Variants in ARHGAP15 observed in about 807,000 individuals in gnomAD.
ARHGAP15 encodes the protein Rho GTPase activating protein 15.
Under a neutral mutation model 63.7 loss-of-function variants are expected in ARHGAP15, and 51 were observed. That is an observed-to-expected ratio of 0.80 (90% confidence interval 0.64 to 1.01). ARHGAP15 has a LOEUF of 1.01. ARHGAP15 is among the 50% of genes least tolerant of loss of function. The pLI is 0.00. For missense variants in ARHGAP15, 560 were observed against 564.6 expected, an observed-to-expected ratio of 0.99 and a Z score of 0.08; for synonymous variants, 191 against 193.8, an observed-to-expected ratio of 0.99 and a Z score of 0.12.
At chr2:143,623,875 T>C (rs906086028) in intron 11 of ARHGAP15, among the ~76,000 whole-genome samples, 1 of 152,248 alleles carries the variant, frequency 6.6e-6, no homozygotes, top group Admixed American at 6.5e-5. Flanking sequence ...TAAACGTATC[T>C]GACATACTGT....
intron 11 of ARHGAP15, among the ~76,000 whole-genome samples, chr2:143,621,262 C>G (rs561503426): frequency 1.0e-3 from 159 of 152,234 alleles, no homozygotes; most frequent in African/African-American, 3.8e-3. Context: ...AAACTCTACT[C>G]TATTAGAAAA....
intron 2 of ARHGAP15, among the ~76,000 whole-genome samples, chr2:143,168,997 G>A (rs751390779): frequency 5.9e-5 from 9 of 152,052 alleles, no homozygotes; most frequent in Non-Finnish European, 1.3e-4. Flanking sequence ...AATGGATAGA[G>A]AAGCAGGTTC....
At chr2:143,363,774 C>T (rs1049563919) in intron 6 of ARHGAP15, among the ~76,000 whole-genome samples, 1 of 152,148 alleles carries the variant, frequency 6.6e-6, no homozygotes, top group African/African-American at 2.4e-5. Flanking sequence ...TCTCCAAACT[C>T]ACCAAAATAC....
At chr2:143,390,731 GCACACA>G (rs3071055) in intron 6 of ARHGAP15, among the ~76,000 whole-genome samples, 55,997 of 147,284 alleles carry the variant, frequency 0.38, 11,057 homozygotes, top group East Asian at 0.49. Flanking sequence ...GAAAACACAT[GCACACA>G]CACACACACA....
intron 1 of ARHGAP15, among the ~76,000 whole-genome samples, chr2:143,151,864 G>A (rs985483638): frequency 1.3e-5 from 2 of 151,828 alleles, no homozygotes; most frequent in Non-Finnish European, 2.9e-5. Flanking sequence ...GGATGAATCA[G>A]AGGAAATCGT....
intron 10 of ARHGAP15, among the ~76,000 whole-genome samples, chr2:143,532,005 T>C (rs116280179): frequency 0.011 from 1,661 of 152,320 alleles, 29 homozygotes; most frequent in African/African-American, 0.038. Flanking sequence ...TCTATTGTTG[T>C]ATACAGGAGA....
intron 7 of ARHGAP15, among the ~76,000 whole-genome samples, chr2:143,436,205 A>G (rs1689605483): frequency 6.6e-6 from 1 of 152,192 alleles, no homozygotes; most frequent in African/African-American, 2.4e-5. Flanking sequence ...CATTCAGAGT[A>G]TGTTTTCTAA....
Position 143,155,521 on chromosome 2 carries a change from G to T in ARHGAP15, c.31G>T (p.Val11Leu), listed in dbSNP as rs140767178. The T allele has an allele frequency of 4.4e-6, 7 of 1,607,100 alleles. No individual in the cohort carries two copies. The Admixed American group carries it at 5.1e-5, about 12-fold the overall frequency. The change falls in exon 2 of 14, where the codon GTG becomes TTG. Residue 11 changes from valine (V) to leucine (L), a missense_variant. Coordinates refer to ENST00000295095, the MANE Select transcript of ARHGAP15 (RefSeq NM_018460.4). ...GAAATCTACAAATTCTGATACTTCC[G>T]TGGAAACACTGAATTCTACCCGCCA... MQKSTNSDTS[V>L]ETLNSTRQGT...
intron 12 of ARHGAP15, among the ~76,000 whole-genome samples, chr2:143,697,738 C>A (rs1243320882): frequency 6.6e-6 from 1 of 152,122 alleles, no homozygotes; most frequent in Non-Finnish European, 1.5e-5. Flanking sequence ...CCTCAATGGG[C>A]AACTCAAGTT....
intron 10 of ARHGAP15, among the ~76,000 whole-genome samples, chr2:143,523,435 G>T (rs1246483335): frequency 1.3e-5 from 2 of 151,982 alleles, no homozygotes; most frequent in Admixed American, 1.3e-4. Flanking sequence ...ATTTAATTTT[G>T]CCTTATTTTG....
At chr2:143,488,020 A>G (rs1692404095) in intron 9 of ARHGAP15, among the ~76,000 whole-genome samples, 1 of 152,232 alleles carries the variant, frequency 6.6e-6, no homozygotes, top group African/African-American at 2.4e-5. Flanking sequence ...AACTCAATCC[A>G]AACTGAAATA....
chr2:143,455,922 A>T (rs1574473432), intron 8 of ARHGAP15, among the ~76,000 whole-genome samples: 1 of 152,040 alleles, frequency 6.6e-6, no homozygotes, highest in South Asian at 2.1e-4. Flanking sequence ...GGCTGGCCCT[A>T]GGAGGGAGGA....
chr2:143,202,295 AT>A, intron 3 of ARHGAP15, 93 bp downstream of exon 3: 2 of 1,028,156 alleles, frequency 1.9e-6, no homozygotes, highest in Middle Eastern at 2.1e-4. Context: ...TTATTATCTC[AT>A]TTTTCTGTGG....
chr2:143,215,688 C>A (rs1050387074), intron 3 of ARHGAP15, among the ~76,000 whole-genome samples: 1 of 152,176 alleles, frequency 6.6e-6, no homozygotes, highest in African/African-American at 2.4e-5. Context: ...AGGGAGTCAA[C>A]CCATCACAAT....
chr2:143,469,297 G>A (rs571484706), intron 8 of ARHGAP15, among the ~76,000 whole-genome samples: 12 of 152,240 alleles, frequency 7.9e-5, no homozygotes, highest in South Asian at 2.1e-4. Flanking sequence ...ATAAAGCAGC[G>A]CTTGAAAATG....
intron 12 of ARHGAP15, among the ~76,000 whole-genome samples, chr2:143,666,512 A>C (rs1209800103): frequency 6.8e-6 from 1 of 147,710 alleles, no homozygotes; most frequent in Non-Finnish European, 1.5e-5. Context: ...GGCATGGGCA[A>C]GGACTTCATG....
At chr2:143,229,800 AAAG>A (rs1693368392) in intron 5 of ARHGAP15, among the ~76,000 whole-genome samples, 1 of 152,200 alleles carries the variant, frequency 6.6e-6, no homozygotes, top group Non-Finnish European at 1.5e-5. Flanking sequence ...ATTTTTCTTA[AAAG>A]AAGATTTTAG....
intron 12 of ARHGAP15, among the ~76,000 whole-genome samples, chr2:143,653,528 C>A (rs1016088907): frequency 1.2e-4 from 19 of 152,186 alleles, no homozygotes; most frequent in African/African-American, 4.3e-4. Flanking sequence ...TAAATTTGTT[C>A]ATAATATTTT....
intron 10 of ARHGAP15, among the ~76,000 whole-genome samples, chr2:143,549,870 A>T (rs1053959194): frequency 6.6e-6 from 1 of 152,160 alleles, no homozygotes; most frequent in African/African-American, 2.4e-5. Context: ...ATCCTGCGAG[A>T]CACTCCAACA....
Sources: gnomAD v4.1 joint callset for allele counts (sites outside exome capture counted in the v4.1 genomes callset) on GRCh38, gnomAD v4.1.1 for gene constraint, MANE v1.5 for transcripts, NCBI Gene and HGNC (gene_info 2026-07-23, HGNC 2026-07-21) for gene names.